NSG1: variants seen among roughly 807,000 people sequenced by gnomAD.
NSG1 encodes neuronal vesicle trafficking-associated protein 1.
In NSG1, 9 loss-of-function variants were observed where a neutral mutation model predicts 19.3. The ratio of observed to expected loss-of-function variants is 0.47; its 90% CI spans 0.28 to 0.81. NSG1 has a LOEUF of 0.81. NSG1 is among the 40% of genes least tolerant of loss of function. NSG1 has a pLI of 0.11. For missense variants in NSG1, 236 were observed against 242.4 expected (o/e 0.97, Z 0.18); for synonymous variants, 104 against 107.0 (o/e 0.97, Z 0.17).
intron 3 of NSG1, among the ~76,000 whole-genome samples, chr4:4,392,263 CCACGT>C (rs1206297377): frequency 6.6e-6 from 1 of 151,926 alleles, no homozygotes; most frequent in Non-Finnish European, 1.5e-5. Context: ...CCTTCAGAGG[CCACGT>C]TGGTTGAAGA....
chr4:4,400,941 T>C (rs533243055), intron 3 of NSG1, among the ~76,000 whole-genome samples: 4 of 152,386 alleles, frequency 2.6e-5, no homozygotes, highest in South Asian at 4.1e-4. Flanking sequence ...TGTGTTTTAC[T>C]CATTTAAAAC....
intron 4 of NSG1, among the ~76,000 whole-genome samples, chr4:4,415,426 G>T (rs978867165): frequency 1.3e-5 from 2 of 152,164 alleles, no homozygotes; most frequent in African/African-American, 4.8e-5. Flanking sequence ...ACACCCCACA[G>T]GTGAGGGTGG....
chr4:4,411,018 G>C (rs1477898291), intron 4 of NSG1, among the ~76,000 whole-genome samples: 1 of 151,962 alleles, frequency 6.6e-6, no homozygotes, highest in Non-Finnish European at 1.5e-5. Flanking sequence ...CCACCACCCG[G>C]CTAATTTTTG....
Position 4,418,886 on chromosome 4 carries a change from A to G in NSG1, c.*1451A>G, listed in dbSNP as rs1388684871. 1 of 152,276 alleles carries G rather than the reference A, an allele frequency of 6.6e-6. No individual in the cohort carries two copies. Among genetic ancestry groups the G allele is most frequent in the African/African-American group, 2.4e-5 (1 of 41,456 alleles). 9.4% of individuals were successfully genotyped at this position (152,276 alleles called of 1,614,324 possible). On this transcript the variant is annotated 3_prime_UTR_variant, in exon 5 of 5. Coordinates refer to ENST00000621129, the MANE Select transcript of NSG1 (RefSeq NM_014392.5). ...CTGTGGAAAATGACTCAAGAGCAAT[A>G]AATCAGTGCCAAAGCTTCCCTGCGC... is the stretch of plus-strand genomic sequence containing the variant.
intron 3 of NSG1, among the ~76,000 whole-genome samples, chr4:4,408,918 G>A (rs369759332): frequency 1.3e-5 from 2 of 152,222 alleles, no homozygotes; most frequent in South Asian, 2.1e-4. Context: ...TGCAGCTGTC[G>A]TGAGTTCATC....
intron 3 of NSG1, among the ~76,000 whole-genome samples, chr4:4,408,448 T>G (rs1282234441): frequency 6.6e-6 from 1 of 152,138 alleles, no homozygotes; most frequent in African/African-American, 2.4e-5. Flanking sequence ...ATCTGCACGC[T>G]GTTTTAGCTT....
Position 4,400,291 on chromosome 4 carries a change from G to C in NSG1, c.246+8700G>C, listed in dbSNP as rs371315464. On this transcript the variant is annotated intron_variant, in intron 3 of 4. Transcript: ENST00000621129. The stretch of plus-strand genomic sequence containing the variant: ...CCATGGACTCATAGTTTTGTTTCTG[G>C]ACTCTCAATTGTATTACGTGGATTT... Among the ~76,000 whole-genome samples, 115 of 152,210 alleles carry C rather than the reference G, an allele frequency of 7.6e-4. No individual in the cohort carries two copies. In the South Asian group the frequency reaches 0.011, roughly 14 times the overall value.
At position 4,409,567 on chromosome 4, in the gene NSG1, C is replaced by T. The variant is rs776759626; in HGVS notation, c.247-6C>T. On this transcript the variant is annotated splice_polypyrimidine_tract_variant and splice_region_variant and intron_variant, in intron 3 of 4. Coordinates refer to ENST00000621129, the MANE Select transcript of NSG1 (RefSeq NM_014392.5). The stretch of plus-strand genomic sequence containing the variant: ...CCACCCCTGACAGTCCCACCTCTGC[C>T]CACAGGTCTCCGTGTTGGTCCTCTT... 6.2e-7 allele frequency: 1 copy of T among 1,612,904 alleles called. No individual in the cohort carries two copies. Among genetic ancestry groups the T allele is most frequent in the Non-Finnish European group, 8.5e-7 (1 of 1,178,954 alleles).
chr4:4,406,386 T>C (rs1723858180), intron 3 of NSG1, among the ~76,000 whole-genome samples: 1 of 152,160 alleles, frequency 6.6e-6, no homozygotes, highest in Non-Finnish European at 1.5e-5. Flanking sequence ...CTTCTCAGAA[T>C]AGTGTTTTCA....
chr4:4,396,748 CG>C (rs1387226442), intron 3 of NSG1, among the ~76,000 whole-genome samples: 1 of 135,950 alleles, frequency 7.4e-6, no homozygotes, highest in African/African-American at 2.9e-5. Flanking sequence ...GAGCTTCCTG[CG>C]TGCGCATCTG....
intron 2 of NSG1, among the ~76,000 whole-genome samples, chr4:4,390,061 T>C (rs1255993304): frequency 2.0e-5 from 3 of 152,180 alleles, no homozygotes; most frequent in African/African-American, 7.2e-5. Flanking sequence ...GGCCCCCACA[T>C]ACGGGAGAGG....
intron 2 of NSG1, among the ~76,000 whole-genome samples, chr4:4,388,147 G>C (rs904536092): frequency 1.3e-5 from 2 of 151,470 alleles, no homozygotes; most frequent in Admixed American, 6.6e-5. Context: ...GTACCTTCCC[G>C]GGTGTGGCAG....
At chr4:4,393,116 G>A (rs1287058454) in intron 3 of NSG1, among the ~76,000 whole-genome samples, 1 of 152,136 alleles carries the variant, frequency 6.6e-6, no homozygotes, top group Non-Finnish European at 1.5e-5. Context: ...CAAGGTCATG[G>A]TGTCCTCTGT....
chr4:4,416,134 C>A (rs937538865), intron 4 of NSG1: 6 of 702,274 alleles, frequency 8.5e-6, no homozygotes, highest in Admixed American at 2.0e-5. Context: ...GGTGGTGTGA[C>A]TCATTGGCCG....
At chr4:4,416,596 T>G (rs549429934) in intron 4 of NSG1, among the ~76,000 whole-genome samples, 1 of 152,258 alleles carries the variant, frequency 6.6e-6, no homozygotes, top group South Asian at 2.1e-4. Context: ...AATGGGGGTG[T>G]GGATTTGCTG....
In NSG1 at chr4:4,394,981, G is replaced by GGCAGAA. The variant is rs572450780; in HGVS notation, c.246+3390_246+3391insGCAGAA. ...ACAGTCAGTGAGTGGCAGAGGCAGA[G>GGCAGAA]TAGGAGCTGGGCAGCCGGCTCTAGA... On this transcript the variant is annotated intron_variant, in intron 3 of 4. Coordinates refer to ENST00000621129, the MANE Select transcript of NSG1 (RefSeq NM_014392.5). Among the ~76,000 whole-genome samples the GGCAGAA allele has an allele frequency of 7.9e-4, 121 of 152,370 alleles. No individual in the cohort carries two copies. In the East Asian group the frequency reaches 0.022, roughly 28 times the overall value.
chr4:4,409,868 G>A (rs1724077629), intron 4 of NSG1, among the ~76,000 whole-genome samples, 185 bp downstream of exon 4: 1 of 152,184 alleles, frequency 6.6e-6, no homozygotes, highest in Admixed American at 6.5e-5. Context: ...AGGTAGGCAG[G>A]GGGCACATGA....
Position 4,409,666 on chromosome 4 carries a change from G to C in NSG1, c.340G>C (p.Asp114His). Residue 114 changes from aspartate (D) to histidine (H), a missense_variant, in exon 4 of 5, where the codon GAT becomes CAT. Asp to His is a moderately conservative substitution (Grantham distance 81). Transcript: ENST00000621129. Reference sequence around the variant, plus strand: ...GTACAAGTATGACCGCGCCTGCCCCGATGGGTTCGTCCTCAAGGTAAAACT... The same window carrying C: ...GTACAAGTATGACCGCGCCTGCCCCCATGGGTTCGTCCTCAAGGTAAAACT... ...KVYKYDRACP[D>H]GFVLKNTQCI... is the part of the protein sequence containing the mutation. 5.6e-6 allele frequency: 9 copies of C among 1,614,012 alleles called. No homozygotes were observed. The highest frequency in any genetic ancestry group is 6.8e-6 in the Non-Finnish European group (8 of 1,179,888).
chr4:4,416,021 A>C lies in NSG1; in HGVS notation c.358-1214A>C, dbSNP rs6816274. ...GCTGTTGATAAAAGGGCTGTACTTC[A>C]GTGGTGTCTTTTGGCTTTCTTTTCT... On this transcript the variant is annotated intron_variant, in intron 4 of 4. Transcript: ENST00000621129. The C allele has an allele frequency of 6.3e-3, 4,361 of 694,076 alleles. 129 individuals carry two copies. The African/African-American group carries it at 0.067, about 11-fold the overall frequency. The allele number at this position is 694,076 out of a possible 1,614,324, so 43.0% of individuals were successfully genotyped here. A position where few individuals can be genotyped will look rare whatever the true frequency, so the allele number is the denominator to read the frequency against.
Sources: allele counts gnomAD v4.1 joint callset (sites outside exome capture counted in the v4.1 genomes callset), GRCh38; gene constraint gnomAD v4.1.1; transcripts MANE v1.5; gene names NCBI Gene and HGNC (gene_info 2026-07-23, HGNC 2026-07-21).